Variants in FLT1 observed in about 807,000 individuals in gnomAD.
FLT1 encodes vascular endothelial growth factor receptor 1.
In FLT1, 49 loss-of-function variants were observed where a neutral mutation model predicts 156.3. That is an observed-to-expected ratio of 0.31 (90% CI 0.25 to 0.40). The LOEUF (loss-of-function observed/expected upper bound fraction) is 0.40. Among genes scored for constraint, FLT1 ranks in the 10% least tolerant of loss-of-function variants. The pLI, the probability that FLT1 is intolerant of heterozygous loss-of-function variation, is 1.00. For synonymous variants in FLT1, 594 were observed against 583.8 expected (o/e 1.02, Z -0.25); for missense variants, 1,322 against 1,637.2 (o/e 0.81, Z 3.32).
chr13:28,347,261 G>A (rs532833537), intron 15 of FLT1, among the ~76,000 whole-genome samples: 14 of 151,632 alleles, frequency 9.2e-5, no homozygotes, highest in Admixed American at 2.6e-4. Flanking sequence ...GATGGCACAC[G>A]CCTGTAATCC....
intron 1 of FLT1, among the ~76,000 whole-genome samples, chr13:28,469,638 C>T (rs1235206337): frequency 6.6e-6 from 1 of 152,170 alleles, no homozygotes; most frequent in Non-Finnish European, 1.5e-5. Context: ...GGAATCACTT[C>T]CCCTCCCCCT....
intron 20 of FLT1, among the ~76,000 whole-genome samples, chr13:28,323,651 CAAAA>C (rs111841154): frequency 8.0e-6 from 1 of 125,418 alleles, no homozygotes; most frequent in Non-Finnish European, 1.6e-5. Context: ...AACTCCATCT[CAAAA>C]AAAAAAAAAA....
chr13:28,433,560 A>T (rs944960588), intron 6 of FLT1, among the ~76,000 whole-genome samples: 1 of 152,160 alleles, frequency 6.6e-6, no homozygotes, highest in African/African-American at 2.4e-5. Context: ...CTTTTCTTCC[A>T]CCTAGAATCA....
chr13:28,386,733 A>G, intron 13 of FLT1: 1 of 1,055,256 alleles, frequency 9.5e-7, no homozygotes, highest in Non-Finnish European at 1.1e-6. Flanking sequence ...CATTTTTTAC[A>G]TAGTGAAGAC....
At chr13:28,475,161 T>C (rs966933598) in intron 1 of FLT1, among the ~76,000 whole-genome samples, 2 of 152,250 alleles carry the variant, frequency 1.3e-5, no homozygotes, top group Non-Finnish European at 2.9e-5. Flanking sequence ...TTTAATTTAG[T>C]GTTAGTTTTA....
At position 28,302,946 on chromosome 13, in the gene FLT1, G is replaced by T. The variant is rs1285608717; in HGVS notation, c.*221C>A. The T allele has an allele frequency of 1.6e-5, 9 of 574,738 alleles. 1 individual carries two copies. The highest frequency in any genetic ancestry group is 6.1e-5 in the Admixed American group (2 of 32,976). 35.6% of individuals were successfully genotyped at this position (574,738 alleles called of 1,614,324 possible). A position where few individuals can be genotyped will look rare whatever the true frequency, so the allele number is the denominator to read the frequency against. On this transcript the variant is annotated 3_prime_UTR_variant, in exon 30 of 30. Coordinates refer to ENST00000282397, the MANE Select transcript of FLT1 (RefSeq NM_002019.4). ...TTTCTCTAACACTGAGTAACATGAG[G>T]ATTTAGCAGTAGTGTTCTTCACTTG...
Position 28,433,808 on chromosome 13 carries a change from G to A in FLT1, c.813+11C>T, listed in dbSNP as rs1484995654. On this transcript the variant is annotated intron_variant, in intron 6 of 29. Transcript: ENST00000282397. Reference sequence around the variant, plus strand: ...TGTCCTGCAGAAGAAATAGAAAAATGGGTCACTCACTTCATCAGGGTAACT... The same window carrying A: ...TGTCCTGCAGAAGAAATAGAAAAATAGGTCACTCACTTCATCAGGGTAACT... 1 of 1,612,744 alleles carries A rather than the reference G, an allele frequency of 6.2e-7. No homozygotes were observed. Among genetic ancestry groups the A allele is most frequent in the South Asian group, 1.1e-5 (1 of 91,044 alleles).
intron 17 of FLT1, among the ~76,000 whole-genome samples, chr13:28,335,025 A>T (rs1256715411): frequency 3.3e-5 from 5 of 152,122 alleles, no homozygotes; most frequent in Non-Finnish European, 7.4e-5. Flanking sequence ...TCTCCTAGTC[A>T]TAGGTAACTA....
chr13:28,389,759 A>T, intron 13 of FLT1, 37 bp downstream of exon 13: 2 of 1,613,976 alleles, frequency 1.2e-6, no homozygotes, highest in Non-Finnish European at 1.7e-6. Context: ...AAATTTGGAG[A>T]TCCGAGAGAA....
chr13:28,342,463 G>T (rs1159368038), intron 16 of FLT1, among the ~76,000 whole-genome samples: 1 of 151,934 alleles, frequency 6.6e-6, no homozygotes, highest in African/African-American at 2.4e-5. Context: ...CAAAACTATT[G>T]TGTGACCTTT....
chr13:28,332,662 T>C (rs1372703489), intron 18 of FLT1, among the ~76,000 whole-genome samples: 1 of 152,196 alleles, frequency 6.6e-6, no homozygotes, highest in Non-Finnish European at 1.5e-5. Context: ...ACACAAACCC[T>C]TACTTACGCT....
chr13:28,460,448 G>T (rs374898439), intron 3 of FLT1, among the ~76,000 whole-genome samples: 4 of 152,284 alleles, frequency 2.6e-5, no homozygotes, highest in African/African-American at 9.6e-5. Flanking sequence ...CTTGTGTGGA[G>T]TAGGTATGTA....
At chr13:28,398,741 T>G (rs1014813661) in intron 11 of FLT1, among the ~76,000 whole-genome samples, 4 of 152,144 alleles carry the variant, frequency 2.6e-5, no homozygotes, top group African/African-American at 9.7e-5. Flanking sequence ...ATTTATTGAG[T>G]GATTATCAAG....
At chr13:28,315,250 T>C (rs1419394037) in intron 25 of FLT1, among the ~76,000 whole-genome samples, 1 of 152,240 alleles carries the variant, frequency 6.6e-6, no homozygotes, top group Non-Finnish European at 1.5e-5. Context: ...TATTCAATAC[T>C]GTTATAATAA....
chr13:28,433,748 CA>C, intron 6 of FLT1, 70 bp downstream of exon 6: 1 of 1,466,694 alleles, frequency 6.8e-7, no homozygotes, highest in Non-Finnish European at 9.5e-7. Context: ...TTTCCCATCT[CA>C]AAACCCCTGC....
chr13:28,494,701 C>G, intron 1 of FLT1, 79 bp downstream of exon 1: 3 of 1,161,676 alleles, frequency 2.6e-6, no homozygotes, highest in Admixed American at 4.1e-5. Context: ...GCGTGCACCC[C>G]GCCCTGGCCT....
chr13:28,325,119 T>A (rs2138834894), intron 20 of FLT1, among the ~76,000 whole-genome samples: 1 of 152,282 alleles, frequency 6.6e-6, no homozygotes, highest in South Asian at 2.1e-4. Flanking sequence ...TCCACCAAGT[T>A]GCACAGGGAG....
intron 7 of FLT1, among the ~76,000 whole-genome samples, chr13:28,430,376 C>T (rs1000233379): frequency 4.6e-5 from 7 of 152,140 alleles, no homozygotes; most frequent in South Asian, 2.1e-4. Flanking sequence ...AATGGTATCA[C>T]GTCCTAGCCA....
chr13:28,419,675 C>T (rs144563793), intron 10 of FLT1, among the ~76,000 whole-genome samples: 3,408 of 152,304 alleles, frequency 0.022, 135 homozygotes, highest in African/African-American at 0.077. Flanking sequence ...GTCAGGGGAT[C>T]GAGACCATTC....
Sources: allele counts gnomAD v4.1 joint callset (sites outside exome capture counted in the v4.1 genomes callset), GRCh38; gene constraint gnomAD v4.1.1; transcripts MANE v1.5; gene names NCBI Gene and HGNC (gene_info 2026-07-23, HGNC 2026-07-21).